The following NLGN1 variants were observed in gnomAD, a reference collection of about 807,000 sequenced individuals.
NLGN1 encodes neuroligin 1, also known as neuroligin-1.
Under a neutral mutation model 65.5 loss-of-function variants are expected in NLGN1, and 12 were observed. That is an observed-to-expected ratio of 0.18 (90% CI 0.12 to 0.30). The LOEUF is 0.30. Ranked by LOEUF, NLGN1 falls within the 10% of genes least tolerant of loss-of-function variation. The pLI, the probability that NLGN1 is intolerant of heterozygous loss-of-function variation, is 1.00. For missense variants in NLGN1, 750 were observed against 1,007.1 expected (o/e 0.74, Z 3.46); for synonymous variants, 350 against 359.5 (o/e 0.97, Z 0.30).
intron 3 of NLGN1, among the ~76,000 whole-genome samples, chr3:173,710,103 ATTAC>A (rs1312625491): frequency 2.0e-5 from 3 of 152,302 alleles, no homozygotes; most frequent in Non-Finnish European, 4.4e-5. Flanking sequence ...AGTAGACACA[ATTAC>A]TTATGGATTT....
intron 4 of NLGN1, among the ~76,000 whole-genome samples, chr3:174,027,466 GGTCCAC>G (rs1445361585): frequency 1.3e-5 from 2 of 152,034 alleles, no homozygotes. Context: ...TAAATACACA[GGTCCAC>G]AATCTCTTTG....
At chr3:174,278,066 A>C (rs1205803383) in intron 5 of NLGN1, among the ~76,000 whole-genome samples, 1 of 151,994 alleles carries the variant, frequency 6.6e-6, no homozygotes, top group Non-Finnish European at 1.5e-5. Context: ...ACAATTCTTA[A>C]ATGCAATTAA....
rs541715685 is a variant in NLGN1 at position 174,033,460 on chromosome 3, A to G, written c.646+225628A>G. Among the ~76,000 whole-genome samples, 11 of 152,272 alleles carry G rather than the reference A, an allele frequency of 7.2e-5. No homozygotes were observed. The South Asian group carries it at 1.4e-3, about 20-fold the overall frequency. On this transcript the variant is annotated intron_variant, in intron 4 of 6. Transcript: ENST00000457714. The stretch of plus-strand genomic sequence containing the variant: ...AACCAAGAGAAAAGAAAAGAGGTAA[A>G]GCAATCATCAGAACAAGCTTCAGGT...
At chr3:174,266,926 CAAT>C (rs1748362449) in intron 4 of NLGN1, among the ~76,000 whole-genome samples, 2 of 151,828 alleles carry the variant, frequency 1.3e-5, no homozygotes, top group Admixed American at 6.6e-5. Flanking sequence ...AAATAGGTGA[CAAT>C]AAAGAAAACG....
chr3:174,179,633 G>A (rs1231913531), intron 4 of NLGN1, among the ~76,000 whole-genome samples: 1 of 152,066 alleles, frequency 6.6e-6, no homozygotes, highest in Non-Finnish European at 1.5e-5. Context: ...TAACTCTGGA[G>A]AGGAAGGAGT....
intron 4 of NLGN1, among the ~76,000 whole-genome samples, chr3:173,891,687 A>G (rs927236633): frequency 6.6e-6 from 1 of 152,222 alleles, no homozygotes; most frequent in Non-Finnish European, 1.5e-5. Flanking sequence ...GGCAGTGGAT[A>G]TGAGCGGCCA....
intron 4 of NLGN1, among the ~76,000 whole-genome samples, chr3:174,150,288 G>T (rs1724087357): frequency 6.6e-6 from 1 of 152,050 alleles, no homozygotes; most frequent in Non-Finnish European, 1.5e-5. Flanking sequence ...CTGTATCAAA[G>T]TTAATGTATT....
chr3:173,466,839 G>T (rs1182874874), intron 2 of NLGN1, among the ~76,000 whole-genome samples: 1 of 152,128 alleles, frequency 6.6e-6, no homozygotes, highest in African/African-American at 2.4e-5. Context: ...TTCAGGGAAT[G>T]AGCTGTTTCA....
At chr3:174,159,475 T>A (rs2152717662) in intron 4 of NLGN1, among the ~76,000 whole-genome samples, 1 of 151,908 alleles carries the variant, frequency 6.6e-6, no homozygotes, top group East Asian at 1.9e-4. Flanking sequence ...AAATACAATT[T>A]GCTCTGATTA....
intron 4 of NLGN1, among the ~76,000 whole-genome samples, chr3:173,887,843 GA>G (rs1439875736): frequency 6.6e-6 from 1 of 151,368 alleles, no homozygotes; most frequent in Non-Finnish European, 1.5e-5. Context: ...TTTTCACTCA[GA>G]AAATTTGACT....
At chr3:174,204,107 T>A (rs1015385477) in intron 4 of NLGN1, among the ~76,000 whole-genome samples, 16 of 152,188 alleles carry the variant, frequency 1.1e-4, no homozygotes, top group African/African-American at 3.9e-4. Flanking sequence ...AGATGGTGAT[T>A]TTTAATGAAA....
chr3:173,578,428 T>G (rs1745881204), intron 2 of NLGN1, among the ~76,000 whole-genome samples: 1 of 152,064 alleles, frequency 6.6e-6, no homozygotes, highest in Non-Finnish European at 1.5e-5. Context: ...AAAAAAAGAG[T>G]ACCCAACTCT....
chr3:174,141,932 G>A (rs1722360321), intron 4 of NLGN1, among the ~76,000 whole-genome samples: 1 of 152,110 alleles, frequency 6.6e-6, no homozygotes, highest in Non-Finnish European at 1.5e-5. Context: ...TTTATTTCAT[G>A]TGTATATCAC....
chr3:174,062,752 A>G (rs893678010), intron 4 of NLGN1, among the ~76,000 whole-genome samples: 3 of 152,056 alleles, frequency 2.0e-5, no homozygotes, highest in East Asian at 1.9e-4. Flanking sequence ...AAGAAACAAT[A>G]TTTATTAATA....
At chr3:173,420,852 T>A (rs934475689) in intron 1 of NLGN1, among the ~76,000 whole-genome samples, 2 of 152,238 alleles carry the variant, frequency 1.3e-5, no homozygotes, top group Admixed American at 6.5e-5. Context: ...ATGTACAAAA[T>A]TTTTACACAT....
At chr3:173,445,734 C>T (rs1720145117) in intron 2 of NLGN1, among the ~76,000 whole-genome samples, 1 of 152,168 alleles carries the variant, frequency 6.6e-6, no homozygotes, top group South Asian at 2.1e-4. Context: ...CTTGTTGAAC[C>T]TAGCAGGGTT....
At chr3:174,194,219 G>A (rs1021103845) in intron 4 of NLGN1, among the ~76,000 whole-genome samples, 20 of 152,150 alleles carry the variant, frequency 1.3e-4, no homozygotes, top group Non-Finnish European at 2.4e-4. Context: ...AGCACTTTGG[G>A]AGGCTGAGGC....
At chr3:174,011,427 T>C (rs971276927) in intron 4 of NLGN1, among the ~76,000 whole-genome samples, 3 of 152,130 alleles carry the variant, frequency 2.0e-5, no homozygotes, top group African/African-American at 4.8e-5. Context: ...CTTGGTACCC[T>C]AAGAGAAAAA....
At chr3:173,865,992 T>G (rs368907971) in intron 4 of NLGN1, among the ~76,000 whole-genome samples, 1 of 152,200 alleles carries the variant, frequency 6.6e-6, no homozygotes, top group African/African-American at 2.4e-5. Context: ...GGCTTCCTCT[T>G]TAACTAAACT....
Sources: allele counts gnomAD v4.1 joint callset (sites outside exome capture counted in the v4.1 genomes callset), GRCh38; gene constraint gnomAD v4.1.1; transcripts MANE v1.5; gene names NCBI Gene and HGNC (gene_info 2026-07-23, HGNC 2026-07-21).